Variants in SLC18B1 observed in about 807,000 individuals in gnomAD.
SLC18B1 encodes the protein solute carrier family 18 member B1, also known as MFS-type transporter SLC18B1.
In SLC18B1, 62 loss-of-function variants were observed where a neutral mutation model predicts 53.9. The ratio of observed to expected loss-of-function variants is 1.15; its 90% CI spans 0.94 to 1.42. The LOEUF (loss-of-function observed/expected upper bound fraction) is 1.42. Ranked by LOEUF, SLC18B1 falls within the 40% of genes most tolerant of loss-of-function variation. SLC18B1 has a pLI of 0.00. For missense variants in SLC18B1, 598 were observed against 547.3 expected, an observed-to-expected ratio of 1.09 and a Z score of -0.93; for synonymous variants, 217 against 200.9, an observed-to-expected ratio of 1.08 and a Z score of -0.68.
intron 7 of SLC18B1, among the ~76,000 whole-genome samples, chr6:132,778,726 T>A (rs1457217126): frequency 6.6e-6 from 1 of 152,214 alleles, no homozygotes; most frequent in Non-Finnish European, 1.5e-5. Context: ...TTCAAAAATA[T>A]CTAAGAACAA....
chr6:132,773,497 G>A (rs1781028512), intron 9 of SLC18B1, among the ~76,000 whole-genome samples: 1 of 152,182 alleles, frequency 6.6e-6, no homozygotes, highest in South Asian at 2.1e-4. Context: ...TAAAAGAAGA[G>A]TCAGGAAACA....
chr6:132,796,378 T>TAAAAAAAAAAAAAAAAAA (rs1781685922), intron 2 of SLC18B1, among the ~76,000 whole-genome samples: 1 of 103,188 alleles, frequency 9.7e-6, no homozygotes, highest in African/African-American at 5.6e-5. Context: ...AAAAAAAAAT[T>TAAAAAAAAAAAAAAAAAA]ACCCGGACGT....
intron 6 of SLC18B1, among the ~76,000 whole-genome samples, chr6:132,779,715 G>T (rs1781182951): frequency 6.6e-6 from 1 of 152,166 alleles, no homozygotes; most frequent in African/African-American, 2.4e-5. Flanking sequence ...ATAATATCAG[G>T]TTTGGACATG....
chr6:132,789,622 T>C, intron 4 of SLC18B1, 142 bp downstream of exon 4: 2 of 647,492 alleles, frequency 3.1e-6, no homozygotes, highest in East Asian at 2.6e-5. Context: ...CTCTACTTAC[T>C]CAACTCCTGC....
At chr6:132,787,738 C>T (rs1030761970) in intron 4 of SLC18B1, among the ~76,000 whole-genome samples, 157 bp from the exon 5 acceptor site, 4 of 151,264 alleles carry the variant, frequency 2.6e-5, no homozygotes, top group East Asian at 1.9e-4. Context: ...GCTTTGTTGT[C>T]TTTTCAGGAG....
Position 132,797,162 on chromosome 6 carries a change from C to T in SLC18B1, c.44-41G>A, listed in dbSNP as rs375384381. On this transcript the variant is annotated intron_variant, in intron 1 of 13. Transcript: ENST00000275227. ...GCAGCAATTAGGCATATAATTGAGACTACTGATTAAAGTACACAAATGTGA... is the reference window on the plus strand; with the variant it reads ...GCAGCAATTAGGCATATAATTGAGATTACTGATTAAAGTACACAAATGTGA... The T allele has an allele frequency of 3.4e-5, 54 of 1,608,446 alleles. No individual in the cohort carries two copies. The African/African-American group carries it at 5.5e-4, about 16-fold the overall frequency.
At chr6:132,784,133 G>T in intron 5 of SLC18B1, 44 bp from the exon 6 acceptor site, 1 of 1,483,764 alleles carries the variant, frequency 6.7e-7, no homozygotes, top group African/African-American at 1.4e-5. Context: ...TATTTCATTT[G>T]AAGAATTAAC....
At position 132,787,581 on chromosome 6, in the gene SLC18B1, A is replaced by T. The variant is rs773887474; in HGVS notation, c.354T>A (p.Gly118=). 9 of 1,556,192 alleles carry T rather than the reference A, an allele frequency of 5.8e-6. No individual in the cohort carries two copies. The highest frequency in any genetic ancestry group is 7.8e-6 in the Non-Finnish European group (9 of 1,158,426). ...GCCCATCTGGAACTCGGTCCAATACACTAAAAAGGAATAAGACAATTCTGA... is the reference window on the plus strand; with the variant it reads ...GCCCATCTGGAACTCGGTCCAATACTCTAAAAAGGAATAAGACAATTCTGA... ...FVSGGVTILF[G]VLDRVPDGPV... Residue 118 remains glycine (G), a splice_region_variant and synonymous_variant, in exon 5 of 14, where the codon GGT becomes GGA. Coordinates refer to ENST00000275227, the MANE Select transcript of SLC18B1 (RefSeq NM_052831.3).
At position 132,796,010 on chromosome 6, in the gene SLC18B1, C is replaced by T. The variant is rs142748793; in HGVS notation, c.183+972G>A. On this transcript the variant is annotated intron_variant, in intron 2 of 13. Transcript: ENST00000275227. ...AGCAGATCACCTGAGGTCAGGAGATCGAAGCCAGACTGCCCAACATGGCAA... is the reference window on the plus strand; with the variant it reads ...AGCAGATCACCTGAGGTCAGGAGATTGAAGCCAGACTGCCCAACATGGCAA... Among the ~76,000 whole-genome samples the T allele has an allele frequency of 7.9e-3, 1,194 of 151,910 alleles. 5 individuals carry two copies. The highest frequency in any genetic ancestry group is 0.014 in the Middle Eastern group (4 of 294).
chr6:132,770,881 T>C lies in SLC18B1; in HGVS notation c.1304+9A>G. ...AAAGAGAGAAAAAAAGCCCCAAAATTGACCATACCTTTTTCTCCTTGAATA... is the reference window on the plus strand; with the variant it reads ...AAAGAGAGAAAAAAAGCCCCAAAATCGACCATACCTTTTTCTCCTTGAATA... On this transcript the variant is annotated intron_variant, in intron 13 of 13. Transcript: ENST00000275227. 6.2e-7 allele frequency: 1 copy of C among 1,601,768 alleles called. No homozygotes were observed.
chr6:132,780,478 A>G (rs1781206105), intron 6 of SLC18B1, among the ~76,000 whole-genome samples: 1 of 151,986 alleles, frequency 6.6e-6, no homozygotes, highest in African/African-American at 2.4e-5. Context: ...ACCAAATATA[A>G]ACATCATGCA....
At chr6:132,782,559 C>CT (rs537226479) in intron 6 of SLC18B1, among the ~76,000 whole-genome samples, 29 of 145,886 alleles carry the variant, frequency 2.0e-4, no homozygotes, top group East Asian at 4.0e-4. Flanking sequence ...ATTTTAGAAG[C>CT]TTTTTTTTTT....
rs1450110742 is a variant in SLC18B1, at chr6:132,787,535, AAC to A, written c.398_399del (p.Cys133PhefsTer10). 1.9e-6 allele frequency: 3 copies of A among 1,610,772 alleles called. No homozygotes were observed. In the Admixed American group the frequency reaches 5.0e-5, roughly 27 times the overall value. ...VPDGPVFIAM[C>X]FLVRVMDAVS... ...ACTGCATCCATTACTCTCACTAGAA[AAC>A]ACATAGCAATAAATACTGGCCCATC... On this transcript the variant is annotated frameshift_variant, in exon 5 of 14. Transcript: ENST00000275227. LOFTEE classifies it high-confidence loss of function.
chr6:132,792,253 A>AG (rs1781547517), intron 2 of SLC18B1, among the ~76,000 whole-genome samples: 3 of 26,046 alleles, frequency 1.2e-4, no homozygotes, highest in East Asian at 7.2e-4. Context: ...GAAAGAAAGA[A>AG]AGAAAGAAAG....
At chr6:132,772,848 C>T (rs1270326733) in intron 10 of SLC18B1, 145 bp downstream of exon 10, 3 of 593,520 alleles carry the variant, frequency 5.1e-6, no homozygotes, top group Non-Finnish European at 3.0e-6. Flanking sequence ...CTATTTATAT[C>T]ATAATATCAT....
In SLC18B1 at chr6:132,798,522, A is replaced by C; in HGVS notation, c.-66T>G. 7.2e-7 allele frequency: 1 copy of C among 1,391,266 alleles called. No homozygotes were observed. The highest frequency in any genetic ancestry group is 9.4e-7 in the Non-Finnish European group (1 of 1,061,398). The allele number at this position is 1,391,266 out of a possible 1,614,324, so 86.2% of individuals were successfully genotyped here. A position where few individuals can be genotyped will look rare whatever the true frequency, so the allele number is the denominator to read the frequency against. The stretch of plus-strand genomic sequence containing the variant: ...AGCCACGTCCTTGGACTCGACCTCC[A>C]AGGAGCCACTGGCACTCTGGCGGGC... On this transcript the variant is annotated 5_prime_UTR_variant, in exon 1 of 14. Transcript: ENST00000275227.
chr6:132,774,280 A>G lies in SLC18B1; in HGVS notation c.931T>C (p.Leu311=). ...AGCATGTAGCACCCGGCTGTGATTA[A>G]GTTGCCAAACACCAGAAGCCATTTC... ...LRKWLLVFGN[L]ITAGCYMLLG... The change falls in exon 9 of 14, where the codon TTA becomes CTA. Residue 311 remains leucine, a synonymous_variant. Coordinates refer to ENST00000275227, the MANE Select transcript of SLC18B1 (RefSeq NM_052831.3). 1 of 1,613,638 alleles carries G rather than the reference A, an allele frequency of 6.2e-7. No individual in the cohort carries two copies. The highest frequency in any genetic ancestry group is 1.3e-5 in the African/African-American group (1 of 75,052).
rs1044308518 is a variant in SLC18B1 at position 132,774,322 on chromosome 6, G to C, written c.898-9C>G. ...AGCCATTTCCTTAGAGGCTGGTAAA[G>C]GAGAAAGAGAGTCAAAATGATTCTT... On this transcript the variant is annotated splice_polypyrimidine_tract_variant and intron_variant, in intron 8 of 13. Transcript: ENST00000275227. The C allele has an allele frequency of 6.2e-7, 1 of 1,606,432 alleles. No homozygotes were observed. Among genetic ancestry groups the C allele is most frequent in the African/African-American group, 1.3e-5 (1 of 74,718 alleles).
intron 8 of SLC18B1, among the ~76,000 whole-genome samples, chr6:132,775,650 T>C (rs1781081174): frequency 6.6e-6 from 1 of 152,242 alleles, no homozygotes; most frequent in South Asian, 2.1e-4. Context: ...CTGGACTGAA[T>C]GGTTTAAACC....
Sources: gnomAD v4.1 joint callset for allele counts (sites outside exome capture counted in the v4.1 genomes callset) on GRCh38, gnomAD v4.1.1 for gene constraint, MANE v1.5 for transcripts, NCBI Gene and HGNC (gene_info 2026-07-23, HGNC 2026-07-21) for gene names.